Variants in KIRREL3 observed in about 807,000 individuals in gnomAD.
KIRREL3 encodes the protein kin of IRRE-like protein 3.
In KIRREL3, 36 loss-of-function variants were observed where a neutral mutation model predicts 89.7. The ratio of observed to expected loss-of-function variants is 0.40; its 90% confidence interval spans 0.31 to 0.53. The LOEUF (loss-of-function observed/expected upper bound fraction) is 0.53, where lower values mean the gene tolerates loss of function less well. KIRREL3 is among the 20% of genes least tolerant of loss of function. The pLI, the probability that KIRREL3 is intolerant of heterozygous loss-of-function variation, is 0.49. For missense variants in KIRREL3, 864 were observed against 1,056.6 expected (o/e 0.82, Z 2.53); for synonymous variants, 445 against 441.4 (o/e 1.01, Z -0.10).
chr11:126,592,057 C>T lies in KIRREL3; in HGVS notation c.56-29145G>A, dbSNP rs565180096. Among the ~76,000 whole-genome samples the T allele has an allele frequency of 5.9e-5, 9 of 152,310 alleles. No homozygotes were observed. In the South Asian group the frequency reaches 1.7e-3, roughly 28 times the overall value. On this transcript the variant is annotated intron_variant, in intron 1 of 16. Coordinates refer to ENST00000525144, the MANE Select transcript of KIRREL3 (RefSeq NM_032531.4). ...CTCCAGAGAGGAGTCCCTGGGACAG[C>T]TGAGGCCTTGCTCACAGCCCTAGGT...
At position 126,470,935 on chromosome 11, in the gene KIRREL3, C is replaced by T. The variant is rs1956869278; in HGVS notation, c.591+2374G>A. Among the ~76,000 whole-genome samples the T allele has an allele frequency of 2.0e-5, 3 of 152,340 alleles. No individual in the cohort carries two copies. In the South Asian group the frequency reaches 6.2e-4, roughly 32 times the overall value. On this transcript the variant is annotated intron_variant, in intron 5 of 16. Transcript: ENST00000525144. The stretch of plus-strand genomic sequence containing the variant: ...TCTTAGAGGCTCTGTGGTACATTAA[C>T]CCCATCTGGGACTCTATGCACAGTT...
At position 126,723,885 on chromosome 11, in the gene KIRREL3, T is replaced by C. The variant is rs1049181285; in HGVS notation, c.56-160973A>G. Among the ~76,000 whole-genome samples the C allele has an allele frequency of 1.3e-5, 2 of 152,198 alleles. No individual in the cohort carries two copies. Among genetic ancestry groups the C allele is most frequent in the African/African-American group, 2.4e-5 (1 of 41,438 alleles). ...TTTAAATGAAGGTAAAAACCATCAT[T>C]GTTTTCTCTCTGCCTAGGGTTTTTA... On this transcript the variant is annotated intron_variant, in intron 1 of 16. Transcript: ENST00000525144. This position sits in a 1 kb window ranked among gnomAD's most constrained non-coding sequence, Gnocchi z 4.0.
At position 126,495,396 on chromosome 11, in the gene KIRREL3, C is replaced by T. The variant is rs994758532; in HGVS notation, c.434-21930G>A. Among the ~76,000 whole-genome samples, 1 of 152,156 alleles carries T rather than the reference C, an allele frequency of 6.6e-6. No homozygotes were observed. The highest frequency in any genetic ancestry group is 1.5e-5 in the Non-Finnish European group (1 of 68,040). ...GCGCCCTACCTCCAGCACCCTCTGA[C>T]CTCCCTGCCTGACCCCAGGTGGTTC... On this transcript the variant is annotated intron_variant, in intron 4 of 16. Transcript: ENST00000525144. The surrounding 1 kb of genome is among the most constrained non-coding windows in gnomAD (Gnocchi z 6.5).
chr11:127,002,645 G>A (rs1950334581), upstream of KIRREL3, among the ~76,000 whole-genome samples: 1 of 152,206 alleles, frequency 6.6e-6, no homozygotes, highest in Non-Finnish European at 1.5e-5. Flanking sequence ...AATTTCAGGT[G>A]TCTGCGTGCC....
In KIRREL3 at chr11:126,609,695, T is replaced by G. The variant is rs11220556; in HGVS notation, c.56-46783A>C. On this transcript the variant is annotated intron_variant, in intron 1 of 16. Coordinates refer to ENST00000525144, the MANE Select transcript of KIRREL3 (RefSeq NM_032531.4). This position sits in a 1 kb window ranked among gnomAD's most constrained non-coding sequence, Gnocchi z 5.0. ...GGCTGCATATTGGAATTATCTGAGA[T>G]GTCTGAAAAACCTGACAACCAGAGA... is the stretch of plus-strand genomic sequence containing the variant. Among the ~76,000 whole-genome samples, 37,285 of 152,088 alleles carry G rather than the reference T, an allele frequency of 0.25. 4,783 individuals are homozygous for G. The highest frequency in any genetic ancestry group is 0.42 in the East Asian group (2,150 of 5,168).
Position 126,643,818 on chromosome 11 carries a change from C to G in KIRREL3, c.56-80906G>C, listed in dbSNP as rs542798452. Among the ~76,000 whole-genome samples, 2 of 151,956 alleles carry G rather than the reference C, an allele frequency of 1.3e-5. No individual in the cohort carries two copies. The highest frequency in any genetic ancestry group is 4.8e-5 in the African/African-American group (2 of 41,340). On this transcript the variant is annotated intron_variant, in intron 1 of 16. Coordinates refer to ENST00000525144, the MANE Select transcript of KIRREL3 (RefSeq NM_032531.4). The surrounding 1 kb of genome is among the most constrained non-coding windows in gnomAD (Gnocchi z 4.5). Reference sequence around the variant, plus strand: ...AAAAGAGTTATTATGAACTGGTGACCAAAAAGATGAAGAGAATGAGGGGAG... The same window carrying G: ...AAAAGAGTTATTATGAACTGGTGACGAAAAAGATGAAGAGAATGAGGGGAG...
intron 1 of KIRREL3, among the ~76,000 whole-genome samples, chr11:126,886,316 G>A (rs1016112901): frequency 5.3e-5 from 8 of 152,118 alleles, no homozygotes; most frequent in South Asian, 2.1e-4. Context: ...CTGCCTCTTC[G>A]GAATCTCTCC....
chr11:126,584,108 G>A (rs187450531), intron 1 of KIRREL3, among the ~76,000 whole-genome samples: 2 of 152,126 alleles, frequency 1.3e-5, no homozygotes, highest in Non-Finnish European at 2.9e-5. Flanking sequence ...TGATGTATCC[G>A]TCACAAAGCC....
Position 126,890,755 on chromosome 11 carries a change from C to CG in KIRREL3, c.55+109699_55+109700insC, listed in dbSNP as rs1945886208. ...GAGTGAGAGAGTAGACGACTGCAAA[C>CG]ATGAGCGTCCCCCAGTCCCAGCACC... On this transcript the variant is annotated intron_variant, in intron 1 of 16. Coordinates refer to ENST00000525144, the MANE Select transcript of KIRREL3 (RefSeq NM_032531.4). This position sits in a 1 kb window ranked among gnomAD's most constrained non-coding sequence, Gnocchi z 5.1. 6.6e-6 allele frequency among the ~76,000 whole-genome samples: 1 copy of CG among 152,222 alleles called. No individual in the cohort carries two copies. The highest frequency in any genetic ancestry group is 1.5e-5 in the Non-Finnish European group (1 of 68,042).
Position 126,605,368 on chromosome 11 carries a change from T to C in KIRREL3, c.56-42456A>G, listed in dbSNP as rs1301284156. Among the ~76,000 whole-genome samples, 1 of 152,196 alleles carries C rather than the reference T, an allele frequency of 6.6e-6. No individual in the cohort carries two copies. The highest frequency in any genetic ancestry group is 1.5e-5 in the Non-Finnish European group (1 of 68,038). ...GGGAGTGGGAGCAATGGAGCACCCA[T>C]GGTCTCCAGGTCTCAGGCCACTTGG... On this transcript the variant is annotated intron_variant, in intron 1 of 16. Transcript: ENST00000525144. The surrounding 1 kb of genome is among the most constrained non-coding windows in gnomAD (Gnocchi z 5.7).
intron 11 of KIRREL3, chr11:126,440,210 T>G: frequency 1.4e-6 from 1 of 689,700 alleles, no homozygotes; most frequent in Non-Finnish European, 2.6e-6. Context: ...TCAGAGCCGT[T>G]CATGTCAGAG....
At chr11:126,833,768 C>T (rs951172598) in intron 1 of KIRREL3, among the ~76,000 whole-genome samples, 1 of 152,172 alleles carries the variant, frequency 6.6e-6, no homozygotes, top group Admixed American at 6.5e-5. Context: ...CACACATTGC[C>T]CATCTTCCTG....
In KIRREL3 at chr11:126,953,395, T is replaced by A. The variant is rs1760978369; in HGVS notation, c.55+47060A>T. ...ATACCTAACGTAGATGAGGAGTCGA[T>A]GGGTGCAGCAAACCATCATGGCATG... On this transcript the variant is annotated intron_variant, in intron 1 of 16. Coordinates refer to ENST00000525144, the MANE Select transcript of KIRREL3 (RefSeq NM_032531.4). This position sits in a 1 kb window ranked among gnomAD's most constrained non-coding sequence, Gnocchi z 5.2. Among the ~76,000 whole-genome samples, 1 of 152,112 alleles carries A rather than the reference T, an allele frequency of 6.6e-6. No homozygotes were observed. The highest frequency in any genetic ancestry group is 6.5e-5 in the Admixed American group (1 of 15,274).
Position 126,605,369 on chromosome 11 carries a change from G to A in KIRREL3, c.56-42457C>T, listed in dbSNP as rs573108234. On this transcript the variant is annotated intron_variant, in intron 1 of 16. Transcript: ENST00000525144. The surrounding 1 kb of genome is among the most constrained non-coding windows in gnomAD (Gnocchi z 5.7). ...GGAGTGGGAGCAATGGAGCACCCAT[G>A]GTCTCCAGGTCTCAGGCCACTTGGG... Among the ~76,000 whole-genome samples the A allele has an allele frequency of 9.8e-4, 150 of 152,302 alleles. No homozygotes were observed. The highest frequency in any genetic ancestry group is 3.5e-3 in the African/African-American group (146 of 41,556).
Position 126,440,511 on chromosome 11 carries a change from G to A in KIRREL3, c.1291C>T (p.Leu431Phe). 3.7e-6 allele frequency: 6 copies of A among 1,602,176 alleles called. No homozygotes were observed. In the South Asian group the frequency reaches 5.7e-5, roughly 15 times the overall value. The change falls in exon 11 of 17, where the codon CTC becomes TTC. Residue 431 changes from leucine to phenylalanine, a missense_variant. Leu to Phe is a conservative substitution (Grantham distance 22). Coordinates refer to ENST00000525144, the MANE Select transcript of KIRREL3 (RefSeq NM_032531.4). ...TTGATCTGGCCCTTCTCGCCGTGGA[G>A]GGCGTGCTGGGTCTGGGTGCTGGAG... is the stretch of plus-strand genomic sequence containing the variant. ...IISSTQTQHALHGEKGQIKCF... is the reference protein window; with the variant it reads ...IISSTQTQHAFHGEKGQIKCF...
chr11:126,934,000 CAA>C (rs60806775), intron 1 of KIRREL3, among the ~76,000 whole-genome samples: 110,348 of 146,606 alleles, frequency 0.75, 41,557 homozygotes, highest in South Asian at 0.86. Context: ...CTGGAAAAGA[CAA>C]AAAAAAAAAA....
In KIRREL3 at chr11:126,462,897, G is replaced by A. The variant is rs1956592866; in HGVS notation, c.742+260C>T. ...GAGGCAGCAGCTGACCGTATTTATT[G>A]GTGTGAAAGTCCCACCTTGTACAGG... On this transcript the variant is annotated intron_variant, in intron 6 of 16. Transcript: ENST00000525144. This position sits in a 1 kb window ranked among gnomAD's most constrained non-coding sequence, Gnocchi z 4.8. 6.6e-6 allele frequency among the ~76,000 whole-genome samples: 1 copy of A among 152,158 alleles called. No homozygotes were observed. The highest frequency in any genetic ancestry group is 2.4e-5 in the African/African-American group (1 of 41,428).
At chr11:126,503,577 C>T (rs1957931002) in intron 4 of KIRREL3, among the ~76,000 whole-genome samples, 1 of 149,172 alleles carries the variant, frequency 6.7e-6, no homozygotes, top group Admixed American at 6.7e-5. Context: ...TTCCTAAAAA[C>T]AAAGAGGTGG....
chr11:126,515,951 G>A lies in KIRREL3; in HGVS notation c.433+5364C>T. ...GCCTTCCTTTGCTGGCAGACTCTGA[G>A]TTATTCACCACTGTTCTCTGGACCC... On this transcript the variant is annotated intron_variant, in intron 4 of 16. Transcript: ENST00000525144. This position sits in a 1 kb window ranked among gnomAD's most constrained non-coding sequence, Gnocchi z 4.2. Among the ~76,000 whole-genome samples, 1 of 152,192 alleles carries A rather than the reference G, an allele frequency of 6.6e-6. No individual in the cohort carries two copies. Among genetic ancestry groups the A allele is most frequent in the Non-Finnish European group, 1.5e-5 (1 of 68,032 alleles).
Sources: allele counts gnomAD v4.1 joint callset (sites outside exome capture counted in the v4.1 genomes callset), GRCh38; gene constraint gnomAD v4.1.1; non-coding constraint Gnocchi (gnomAD v3.1); transcripts MANE v1.5; gene names NCBI Gene and HGNC (gene_info 2026-07-23, HGNC 2026-07-21).